The following RSPO1 variants were observed in gnomAD, a reference collection of about 807,000 sequenced individuals.
The protein encoded by RSPO1 is R-spondin-1.
In RSPO1, 18 loss-of-function variants were observed where a neutral mutation model predicts 26.0. The ratio of observed to expected loss-of-function variants is 0.69; its 90% CI spans 0.48 to 1.03. The LOEUF is 1.03. RSPO1 is among the 50% of genes least tolerant of loss of function. RSPO1 has a pLI of 0.00. For synonymous variants in RSPO1, 133 were observed against 137.4 expected (o/e 0.97, Z 0.22); for missense variants, 309 against 352.3 (o/e 0.88, Z 0.98).
chr1:37,628,183 C>G (rs989667378), intron 3 of RSPO1, among the ~76,000 whole-genome samples: 2 of 151,976 alleles, frequency 1.3e-5, no homozygotes, highest in Non-Finnish European at 2.9e-5. Flanking sequence ...TTCTCTCTCT[C>G]TCTCTGTCTC....
intron 2 of RSPO1, among the ~76,000 whole-genome samples, chr1:37,631,029 G>A (rs1389236233): frequency 2.0e-5 from 3 of 149,722 alleles, no homozygotes; most frequent in Non-Finnish European, 3.0e-5. Context: ...GAGTCAGAGA[G>A]TTCAGGCTCA....
chr1:37,630,087 A>G, intron 2 of RSPO1, 138 bp from the exon 3 acceptor site: 1 of 597,394 alleles, frequency 1.7e-6, no homozygotes, highest in Non-Finnish European at 3.0e-6. Context: ...TTTCTAGAAG[A>G]AATCTGCTCC....
At chr1:37,625,613 C>G (rs1475980671) in intron 3 of RSPO1, among the ~76,000 whole-genome samples, 3 of 151,934 alleles carry the variant, frequency 2.0e-5, no homozygotes, top group Non-Finnish European at 4.4e-5. Flanking sequence ...TGGATCTATC[C>G]CTGTGGCTTC....
intron 3 of RSPO1, among the ~76,000 whole-genome samples, chr1:37,619,400 G>A (rs535882574): frequency 6.6e-6 from 1 of 152,354 alleles, no homozygotes; most frequent in East Asian, 1.9e-4. Flanking sequence ...AGTCTGGGAA[G>A]CTGGGCAAAA....
intron 3 of RSPO1, among the ~76,000 whole-genome samples, chr1:37,622,767 C>T (rs1395229812): frequency 1.3e-5 from 2 of 152,110 alleles, no homozygotes; most frequent in African/African-American, 4.8e-5. Flanking sequence ...AGACTTGACT[C>T]TCAGTGATCA....
intron 4 of RSPO1, among the ~76,000 whole-genome samples, chr1:37,615,704 C>G (rs976674261): frequency 6.6e-6 from 1 of 152,218 alleles, no homozygotes; most frequent in Non-Finnish European, 1.5e-5. Flanking sequence ...TCACACGTGT[C>G]CCCCAGCACA....
chr1:37,620,629 AAATAAT>A lies in RSPO1; in HGVS notation c.95-3960_95-3955del, dbSNP rs56294873. Among the ~76,000 whole-genome samples the A allele has an allele frequency of 2.0e-3, 295 of 146,084 alleles. 3 individuals are homozygous for A. The East Asian group carries it at 0.04, about 20-fold the overall frequency. Reference sequence around the variant, plus strand: ...AGGTGATGAGCGAGACTCTGTCTCAAAATAATAATAATAATAATAATAATAATAATA... The same window carrying A: ...AGGTGATGAGCGAGACTCTGTCTCAAAATAATAATAATAATAATAATAATA... On this transcript the variant is annotated intron_variant, in intron 3 of 6. Coordinates refer to ENST00000356545, the MANE Select transcript of RSPO1 (RefSeq NM_001242908.2).
chr1:37,621,120 C>T (rs775531948), intron 3 of RSPO1, among the ~76,000 whole-genome samples: 5 of 152,128 alleles, frequency 3.3e-5, no homozygotes, highest in Non-Finnish European at 7.3e-5. Flanking sequence ...TCAATGGCAC[C>T]GCAGAGAAAG....
chr1:37,629,770 A>C lies in RSPO1; in HGVS notation c.-109T>G. Reference sequence around the variant, plus strand: ...GGGCTGGGTCAGCAGCAGGAGGCCCAGGCCTGGGCCGTAGCCCAAATCCAC... The same window carrying C: ...GGGCTGGGTCAGCAGCAGGAGGCCCCGGCCTGGGCCGTAGCCCAAATCCAC... On this transcript the variant is annotated 5_prime_UTR_variant, in exon 3 of 7. Transcript: ENST00000356545. 6.4e-7 allele frequency: 1 copy of C among 1,556,236 alleles called. No homozygotes were observed. Among genetic ancestry groups the C allele is most frequent in the Non-Finnish European group, 8.7e-7 (1 of 1,149,534 alleles).
rs1644067899 is a variant in RSPO1 at position 37,613,950 on chromosome 1, C to T, written c.437-58G>A. 6.3e-7 allele frequency: 1 copy of T among 1,579,330 alleles called. No homozygotes were observed. The highest frequency in any genetic ancestry group is 8.7e-7 in the Non-Finnish European group (1 of 1,149,014). On this transcript the variant is annotated intron_variant, in intron 5 of 6. Transcript: ENST00000356545. The surrounding 1 kb of genome is among the most constrained non-coding windows in gnomAD (Gnocchi z 4.5). ...CAAGGAGGAGGGGATCATGTCTCCT[C>T]CTCTGGCCCAGAATAGCCCAGGGGA...
At chr1:37,621,769 T>A (rs1425894665) in intron 3 of RSPO1, among the ~76,000 whole-genome samples, 1 of 151,934 alleles carries the variant, frequency 6.6e-6, no homozygotes, top group Non-Finnish European at 1.5e-5. Flanking sequence ...AGTTCTTTTT[T>A]CTTTTTTCTT....
At chr1:37,621,823 A>G (rs1644208008) in intron 3 of RSPO1, among the ~76,000 whole-genome samples, 1 of 138,752 alleles carries the variant, frequency 7.2e-6, no homozygotes, top group Non-Finnish European at 1.5e-5. Flanking sequence ...TTTTTAAGAG[A>G]TGAGATCTCA....
chr1:37,617,869 G>A (rs138171981), intron 3 of RSPO1, among the ~76,000 whole-genome samples: 36 of 152,170 alleles, frequency 2.4e-4, no homozygotes, highest in African/African-American at 8.7e-4. Context: ...CAGTGGAGCA[G>A]ACAGACCACA....
chr1:37,624,549 CCCT>C (rs1212574625), intron 3 of RSPO1, among the ~76,000 whole-genome samples: 1 of 150,888 alleles, frequency 6.6e-6, no homozygotes, highest in African/African-American at 2.4e-5. Context: ...CAAGGCTGTG[CCCT>C]CAATTCCCCC....
chr1:37,629,831 G>C lies in RSPO1; in HGVS notation c.-170C>G. 6.4e-7 allele frequency: 1 copy of C among 1,550,966 alleles called. No homozygotes were observed. The highest frequency in any genetic ancestry group is 8.7e-7 in the Non-Finnish European group (1 of 1,146,752). Reference sequence around the variant, plus strand: ...GCTGGGGACAGAGAGGGTGTGGGGAGCCCAGTTCTCCATCAGCTCAAAGGG... The same window carrying C: ...GCTGGGGACAGAGAGGGTGTGGGGACCCCAGTTCTCCATCAGCTCAAAGGG... On this transcript the variant is annotated 5_prime_UTR_variant, in exon 3 of 7. Transcript: ENST00000356545.
chr1:37,625,138 G>A lies in RSPO1; in HGVS notation c.94+4430C>T, dbSNP rs529296497. 4.6e-5 allele frequency among the ~76,000 whole-genome samples: 7 copies of A among 152,326 alleles called. No individual in the cohort carries two copies. In the South Asian group the frequency reaches 1.2e-3, roughly 27 times the overall value. ...AGTACTTGAATCTGTCATGGTGAAC[G>A]TCACCTTATATTGTTATTATCTGCT... On this transcript the variant is annotated intron_variant, in intron 3 of 6. Coordinates refer to ENST00000356545, the MANE Select transcript of RSPO1 (RefSeq NM_001242908.2).
In RSPO1 at chr1:37,623,159, A is replaced by G. The variant is rs910729544; in HGVS notation, c.94+6409T>C. ...CAGTGACAGGCAGGGTCAGTTCAATAAGGAAAGGGGTGTTTATCAAGGGGG... is the reference window on the plus strand; with the variant it reads ...CAGTGACAGGCAGGGTCAGTTCAATGAGGAAAGGGGTGTTTATCAAGGGGG... On this transcript the variant is annotated intron_variant, in intron 3 of 6. Coordinates refer to ENST00000356545, the MANE Select transcript of RSPO1 (RefSeq NM_001242908.2). Among the ~76,000 whole-genome samples the G allele has an allele frequency of 2.1e-5, 3 of 146,122 alleles. No homozygotes were observed. The South Asian group carries it at 6.9e-4, about 34-fold the overall frequency.
Position 37,612,266 on chromosome 1 carries a change from A to C in RSPO1, c.*489T>G. 1 of 176,456 alleles carries C rather than the reference A, an allele frequency of 5.7e-6. No individual in the cohort carries two copies. 10.9% of individuals were successfully genotyped at this position (176,456 alleles called of 1,614,324 possible). A position where few individuals can be genotyped will look rare whatever the true frequency, so the allele number is the denominator to read the frequency against. On this transcript the variant is annotated 3_prime_UTR_variant, in exon 7 of 7. Coordinates refer to ENST00000356545, the MANE Select transcript of RSPO1 (RefSeq NM_001242908.2). ...CCAACGATAAAGTCACACAGCTGGG[A>C]GTGCTGAACAGGATGGGAAGAAGGT...
chr1:37,613,452 A>G lies in RSPO1; in HGVS notation c.625+252T>C, dbSNP rs1224033120. ...TTCTAGTATGAACATCCACTAGCTC[A>G]GAAGAAATGGGGGAACCGGAAGGAT... On this transcript the variant is annotated intron_variant, in intron 6 of 6. Transcript: ENST00000356545. The surrounding 1 kb of genome is among the most constrained non-coding windows in gnomAD (Gnocchi z 4.5). Among the ~76,000 whole-genome samples, 1 of 152,202 alleles carries G rather than the reference A, an allele frequency of 6.6e-6. No homozygotes were observed. Among genetic ancestry groups the G allele is most frequent in the African/African-American group, 2.4e-5 (1 of 41,446 alleles).
Sources: allele counts gnomAD v4.1 joint callset (sites outside exome capture counted in the v4.1 genomes callset), GRCh38; gene constraint gnomAD v4.1.1; non-coding constraint Gnocchi (gnomAD v3.1); transcripts MANE v1.5; gene names NCBI Gene and HGNC (gene_info 2026-07-23, HGNC 2026-07-21).